Variants in MCTP1 observed in about 807,000 individuals in gnomAD.
MCTP1 encodes multiple C2 and transmembrane domain-containing protein 1.
MCTP1 carries 69 observed loss-of-function variants against 120.6 expected under a neutral mutation model. The ratio of observed to expected loss-of-function variants is 0.57; its 90% CI spans 0.47 to 0.70. The LOEUF is 0.70. Among genes scored for constraint, MCTP1 ranks in the 30% least tolerant of loss-of-function variants. MCTP1 has a pLI of 0.00. For missense variants in MCTP1, 1,203 were observed against 1,248.8 expected (o/e 0.96, Z 0.55); for synonymous variants, 529 against 493.1 (o/e 1.07, Z -0.96).
intron 20 of MCTP1, among the ~76,000 whole-genome samples, chr5:94,711,727 C>CA (rs11380194): frequency 0.31 from 40,676 of 131,836 alleles, 5,900 homozygotes; most frequent in East Asian, 0.65. Flanking sequence ...GTAGAAGTTA[C>CA]AAAAAAAAAA....
Position 94,878,147 on chromosome 5 carries a change from T to C in MCTP1, c.1934-4906A>G, listed in dbSNP as rs79188361. 6.2e-3 allele frequency among the ~76,000 whole-genome samples: 939 copies of C among 152,324 alleles called. 13 individuals are homozygous for C. Among genetic ancestry groups the C allele is most frequent in the African/African-American group, 0.022 (894 of 41,576 alleles). On this transcript the variant is annotated intron_variant, in intron 12 of 22. Coordinates refer to ENST00000515393, the MANE Select transcript of MCTP1 (RefSeq NM_024717.7). Reference sequence around the variant, plus strand: ...AAAAAATATAATCAAGGTTGCCATCTATCCCTTATAGAAACTGGAATTTCA... The same window carrying C: ...AAAAAATATAATCAAGGTTGCCATCCATCCCTTATAGAAACTGGAATTTCA...
intron 1 of MCTP1, among the ~76,000 whole-genome samples, chr5:95,137,729 A>G (rs3906470): frequency 0.14 from 21,185 of 152,134 alleles, 1,568 homozygotes; most frequent in Middle Eastern, 0.22. Flanking sequence ...TAGTATATAC[A>G]TTATTGTAAG....
At chr5:95,056,898 C>A (rs932376774) in intron 1 of MCTP1, among the ~76,000 whole-genome samples, 1 of 151,872 alleles carries the variant, frequency 6.6e-6, no homozygotes, top group African/African-American at 2.4e-5. Context: ...CAAATACATA[C>A]GTATTTCTAA....
intron 1 of MCTP1, among the ~76,000 whole-genome samples, chr5:95,026,462 C>T (rs192808454): frequency 1.2e-3 from 190 of 152,270 alleles, no homozygotes; most frequent in African/African-American, 4.3e-3. Context: ...ACCCTTCCCA[C>T]TCTCTGGTAA....
intron 2 of MCTP1, among the ~76,000 whole-genome samples, chr5:94,982,584 T>C (rs948679552): frequency 3.3e-5 from 5 of 152,042 alleles, no homozygotes; most frequent in African/African-American, 1.2e-4. Flanking sequence ...TTAAGGTTAC[T>C]AATAAGTTGA....
intron 1 of MCTP1, among the ~76,000 whole-genome samples, chr5:95,108,718 G>A (rs1050590975): frequency 1.3e-5 from 2 of 152,152 alleles, no homozygotes; most frequent in African/African-American, 2.4e-5. Flanking sequence ...CTTATGTGTC[G>A]TAATATCCAT....
At chr5:94,735,336 T>G (rs1231946061) in intron 19 of MCTP1, among the ~76,000 whole-genome samples, 2 of 150,522 alleles carry the variant, frequency 1.3e-5, no homozygotes, top group East Asian at 2.0e-4. Context: ...TTGGTTTTTG[T>G]TTTTGAGACA....
In MCTP1 at chr5:94,953,406, G is replaced by A. The variant is rs776284687; in HGVS notation, c.839-45C>T. On this transcript the variant is annotated intron_variant, in intron 2 of 22. Coordinates refer to ENST00000515393, the MANE Select transcript of MCTP1 (RefSeq NM_024717.7). ...ATCCATGTTAATCATGACTTGGTTT[G>A]GAAGCAAGAGAACCACTCTTTTGAA... 7 of 1,450,258 alleles carry A rather than the reference G, an allele frequency of 4.8e-6. No individual in the cohort carries two copies. In the South Asian group the frequency reaches 7.5e-5, roughly 16 times the overall value. 89.8% of individuals were successfully genotyped at this position (1,450,258 alleles called of 1,614,324 possible).
intron 1 of MCTP1, among the ~76,000 whole-genome samples, chr5:95,272,499 A>G (rs954616115): frequency 6.6e-6 from 1 of 152,236 alleles, no homozygotes. Context: ...AAGTCATCCA[A>G]GTTATACAAA....
At chr5:95,154,459 C>T (rs1021621089) in intron 1 of MCTP1, among the ~76,000 whole-genome samples, 1 of 152,068 alleles carries the variant, frequency 6.6e-6, no homozygotes, top group African/African-American at 2.4e-5. Flanking sequence ...ATGAGATGAA[C>T]TATAAGGGTT....
chr5:94,846,673 C>A (rs1316669764), intron 17 of MCTP1, among the ~76,000 whole-genome samples: 1 of 151,896 alleles, frequency 6.6e-6, no homozygotes, highest in African/African-American at 2.4e-5. Flanking sequence ...AAAAGAATAA[C>A]CTGAAGAGAG....
At chr5:95,201,492 T>G (rs1751037828) in intron 1 of MCTP1, among the ~76,000 whole-genome samples, 1 of 45,888 alleles carries the variant, frequency 2.2e-5, no homozygotes, top group Non-Finnish European at 4.9e-5. Flanking sequence ...TTTTTTTTTT[T>G]TTTTTTTTTT....
chr5:95,031,245 T>A (rs1323617138), intron 1 of MCTP1, among the ~76,000 whole-genome samples: 1 of 152,002 alleles, frequency 6.6e-6, no homozygotes. Context: ...CTAATCTTGC[T>A]AGTGAGGTCA....
intron 1 of MCTP1, among the ~76,000 whole-genome samples, chr5:95,067,831 T>G (rs1351015139): frequency 2.6e-5 from 4 of 152,172 alleles, no homozygotes; most frequent in African/African-American, 9.7e-5. Context: ...TTTGACAATT[T>G]GGAAATATAC....
chr5:94,940,020 T>A, intron 5 of MCTP1, 64 bp downstream of exon 5: 1 of 903,862 alleles, frequency 1.1e-6, no homozygotes, highest in African/African-American at 1.7e-5. Context: ...CATCTCTGGG[T>A]CCAGAGAAAG....
At chr5:95,257,796 T>TACAC (rs369408591) in intron 1 of MCTP1, among the ~76,000 whole-genome samples, 52 of 125,420 alleles carry the variant, frequency 4.1e-4, no homozygotes, top group East Asian at 1.4e-3. Context: ...CCAGAAAACA[T>TACAC]ACACACACAC....
chr5:94,768,817 T>C (rs1394590935), intron 19 of MCTP1, among the ~76,000 whole-genome samples: 2 of 152,044 alleles, frequency 1.3e-5, no homozygotes, highest in Admixed American at 1.3e-4. Context: ...ATTATGGAAA[T>C]CAACATGGAG....
intron 1 of MCTP1, among the ~76,000 whole-genome samples, chr5:95,031,509 C>T (rs1171231572): frequency 1.3e-5 from 2 of 152,072 alleles, no homozygotes; most frequent in Non-Finnish European, 1.5e-5. Flanking sequence ...AAAATGCCAG[C>T]CAAGAATTTC....
chr5:94,849,872 C>T (rs1257992894), intron 17 of MCTP1, among the ~76,000 whole-genome samples: 3 of 152,202 alleles, frequency 2.0e-5, no homozygotes, highest in South Asian at 2.1e-4. Context: ...TTAAAAAATA[C>T]ATAAGCAATG....
Sources: allele counts gnomAD v4.1 joint callset (sites outside exome capture counted in the v4.1 genomes callset), GRCh38; gene constraint gnomAD v4.1.1; transcripts MANE v1.5; gene names NCBI Gene and HGNC (gene_info 2026-07-23, HGNC 2026-07-21).